The following NYAP2 variants were observed in gnomAD, a reference collection of about 807,000 sequenced individuals.
The protein encoded by NYAP2 is neuronal tyrosine-phosphorylated phosphoinositide-3-kinase adaptor 2.
NYAP2 carries 23 observed loss-of-function variants against 50.4 expected under a neutral mutation model. That is an observed-to-expected ratio of 0.46 (90% CI 0.33 to 0.65). NYAP2 has a LOEUF of 0.65. Ranked by LOEUF, NYAP2 falls within the 30% of genes least tolerant of loss-of-function variation. NYAP2 has a pLI of 0.02. For missense variants in NYAP2, 885 were observed against 861.0 expected (o/e 1.03, Z -0.35); for synonymous variants, 394 against 365.2 (o/e 1.08, Z -0.90).
At chr2:225,665,722 T>C in the NYAP2 span, among the ~76,000 whole-genome samples, 4 of 143,190 alleles carry the variant, frequency 2.8e-5, no homozygotes, top group Admixed American at 2.3e-4. Context: ...GGTAGGAGAA[T>C]TGCTTGAACC....
At chr2:225,532,341 G>C (rs890924123) in intron 4 of NYAP2, among the ~76,000 whole-genome samples, 2 of 152,208 alleles carry the variant, frequency 1.3e-5, no homozygotes, top group Non-Finnish European at 2.9e-5. Context: ...ATTGCATAAA[G>C]AGTACTTTGA....
intron 4 of NYAP2, among the ~76,000 whole-genome samples, chr2:225,546,805 T>G (rs907125934): frequency 6.6e-6 from 1 of 152,176 alleles, no homozygotes; most frequent in South Asian, 2.1e-4. Flanking sequence ...GGGTTCCACC[T>G]GAAGACAACA....
At chr2:225,452,211 A>G (rs992063127) in intron 3 of NYAP2, among the ~76,000 whole-genome samples, 3 of 152,180 alleles carry the variant, frequency 2.0e-5, no homozygotes. Flanking sequence ...TAAGTCCTTT[A>G]ACTTCTTCAT....
At chr2:225,419,233 A>G (rs998705746) in intron 3 of NYAP2, among the ~76,000 whole-genome samples, 2 of 152,252 alleles carry the variant, frequency 1.3e-5, no homozygotes, top group Non-Finnish European at 1.5e-5. Flanking sequence ...ATGTAGGCCT[A>G]CAGAATGCTT....
intron 3 of NYAP2, among the ~76,000 whole-genome samples, chr2:225,457,709 G>A (rs1419528106): frequency 2.0e-5 from 3 of 152,152 alleles, no homozygotes; most frequent in African/African-American, 7.2e-5. Flanking sequence ...TTGGCCCCAA[G>A]AGTGTATTTG....
chr2:225,482,553 T>C (rs1690224273), intron 3 of NYAP2, among the ~76,000 whole-genome samples: 1 of 151,958 alleles, frequency 6.6e-6, no homozygotes, highest in South Asian at 2.1e-4. Flanking sequence ...AGAAAGAGAG[T>C]GTGGGGTTTC....
chr2:225,493,417 CT>C (rs1690444389), intron 3 of NYAP2, among the ~76,000 whole-genome samples: 1 of 152,162 alleles, frequency 6.6e-6, no homozygotes, highest in Admixed American at 6.5e-5. Flanking sequence ...TGAACTGGAG[CT>C]TTGCTTAGTC....
At chr2:225,617,449 A>G (rs1050057302) in intron 5 of NYAP2, among the ~76,000 whole-genome samples, 27 of 152,168 alleles carry the variant, frequency 1.8e-4, no homozygotes, top group Admixed American at 1.6e-3. Context: ...AAATAAAAAA[A>G]AAACAGCAGT....
chr2:225,660,125 AC>A, the NYAP2 span, among the ~76,000 whole-genome samples: 3 of 151,888 alleles, frequency 2.0e-5, no homozygotes, highest in Non-Finnish European at 4.4e-5. Flanking sequence ...TGTCCTTGGT[AC>A]CCCCCTAGAG....
Position 225,534,405 on chromosome 2 carries a change from C to G in NYAP2, c.523+20733C>G, listed in dbSNP as rs11890891. ...ATAAATATTTATTGAGCACCTACTA[C>G]GGGCCAAGCATTATTCTACAAGTCG... On this transcript the variant is annotated intron_variant, in intron 4 of 6. Coordinates refer to ENST00000636099, the Ensembl canonical transcript of NYAP2. Among the ~76,000 whole-genome samples, 5 of 152,168 alleles carry G rather than the reference C, an allele frequency of 3.3e-5. No individual in the cohort carries two copies. The South Asian group carries it at 8.3e-4, about 25-fold the overall frequency.
At chr2:225,587,121 A>C (rs1692401988) in intron 5 of NYAP2, among the ~76,000 whole-genome samples, 2 of 152,182 alleles carry the variant, frequency 1.3e-5, no homozygotes, top group Admixed American at 1.3e-4. Context: ...CCCATGATTC[A>C]ATCACCTCCC....
At chr2:225,438,377 A>C (rs988067391) in intron 3 of NYAP2, among the ~76,000 whole-genome samples, 3 of 152,228 alleles carry the variant, frequency 2.0e-5, no homozygotes, top group Non-Finnish European at 4.4e-5. Context: ...GCTTTATCAA[A>C]GATAGACACA....
chr2:225,472,240 C>T (rs779805980), intron 3 of NYAP2, among the ~76,000 whole-genome samples: 3 of 152,190 alleles, frequency 2.0e-5, no homozygotes, highest in Admixed American at 6.5e-5. Flanking sequence ...TCATACATGT[C>T]TACTCATTTG....
the NYAP2 span, among the ~76,000 whole-genome samples, chr2:225,685,838 G>A: frequency 6.6e-6 from 1 of 152,056 alleles, no homozygotes; most frequent in East Asian, 1.9e-4. Flanking sequence ...ATATAAGTAT[G>A]TTGCATCACA....
At chr2:225,461,417 G>A (rs1296752094) in intron 3 of NYAP2, among the ~76,000 whole-genome samples, 1 of 152,190 alleles carries the variant, frequency 6.6e-6, no homozygotes, top group Non-Finnish European at 1.5e-5. Flanking sequence ...ACGAGAAACT[G>A]CCTAATATTG....
chr2:225,622,575 C>CTTTTTT (rs367643577), intron 5 of NYAP2, among the ~76,000 whole-genome samples: 1 of 66,744 alleles, frequency 1.5e-5, no homozygotes, highest in African/African-American at 5.0e-5. Context: ...TTCTTTCTTT[C>CTTTTTT]TTTCTTCTTT....
intron 5 of NYAP2, among the ~76,000 whole-genome samples, chr2:225,625,076 A>C (rs1399188999): frequency 7.3e-6 from 1 of 137,602 alleles, no homozygotes; most frequent in East Asian, 2.2e-4. Flanking sequence ...AAAAAAATTC[A>C]GATTTTTTGA....
At chr2:225,442,987 G>A (rs1309969240) in intron 3 of NYAP2, among the ~76,000 whole-genome samples, 1 of 152,210 alleles carries the variant, frequency 6.6e-6, no homozygotes, top group African/African-American at 2.4e-5. Context: ...GCAGGAAAGA[G>A]AGAGTGTGCA....
the NYAP2 span, among the ~76,000 whole-genome samples, chr2:225,662,875 T>A: frequency 6.6e-6 from 1 of 152,092 alleles, no homozygotes; most frequent in African/African-American, 2.4e-5. Flanking sequence ...ACCTAAATAA[T>A]GAAACAAGGG....
Sources: allele counts gnomAD v4.1 joint callset (sites outside exome capture counted in the v4.1 genomes callset), GRCh38; gene constraint gnomAD v4.1.1; transcripts MANE v1.5; gene names NCBI Gene and HGNC (gene_info 2026-07-23, HGNC 2026-07-21).